ATXN10: variants seen among roughly 807,000 people sequenced by gnomAD.
The protein encoded by ATXN10 is ataxin-10.
Under a neutral mutation model 52.9 loss-of-function variants are expected in ATXN10, and 28 were observed. The ratio of observed to expected loss-of-function variants is 0.53; its 90% confidence interval spans 0.39 to 0.73. The LOEUF (loss-of-function observed/expected upper bound fraction) is 0.73, where lower values mean the gene tolerates loss of function less well. Among genes scored for constraint, ATXN10 ranks in the 30% least tolerant of loss-of-function variants. ATXN10 has a pLI of 0.00. For missense variants in ATXN10, 565 were observed against 577.0 expected (o/e 0.98, Z 0.21); for synonymous variants, 226 against 221.5 (o/e 1.02, Z -0.18).
chr22:45,814,451 A>G (rs1200204913), intron 10 of ATXN10, among the ~76,000 whole-genome samples: 1 of 152,230 alleles, frequency 6.6e-6, no homozygotes, highest in Non-Finnish European at 1.5e-5. Context: ...GGCTAATTTA[A>G]AAGCCCCAAC....
At chr22:45,832,171 C>T (rs1327970200) in intron 10 of ATXN10, among the ~76,000 whole-genome samples, 2 of 152,262 alleles carry the variant, frequency 1.3e-5, no homozygotes, top group African/African-American at 4.8e-5. Context: ...TCTACTTCAG[C>T]TCTTTCGATG....
Position 45,825,037 on chromosome 22 carries a change from C to G in ATXN10, c.1238-17954C>G, listed in dbSNP as rs944067239. ...CAGCTCTAGCTCAGTAGCAGCTATT[C>G]CTCCTCCATCCCCAGTCCTATGGCA... On this transcript the variant is annotated intron_variant, in intron 10 of 11. Transcript: ENST00000252934. This position sits in a 1 kb window ranked among gnomAD's most constrained non-coding sequence, Gnocchi z 4.5. Among the ~76,000 whole-genome samples, 1 of 152,216 alleles carries G rather than the reference C, an allele frequency of 6.6e-6. No individual in the cohort carries two copies. Among genetic ancestry groups the G allele is most frequent in the Admixed American group, 6.5e-5 (1 of 15,272 alleles).
At position 45,777,365 on chromosome 22, in the gene ATXN10, A is replaced by C. The variant is rs572526819; in HGVS notation, c.1174-29594A>C. Among the ~76,000 whole-genome samples, 4 of 152,290 alleles carry C rather than the reference A, an allele frequency of 2.6e-5. No homozygotes were observed. In the East Asian group the frequency reaches 7.7e-4, roughly 29 times the overall value. ...TATTTCATGTTTTAGTATTCTCTTG[A>C]TCTAGAGTATATGTTCAAATGTTTT... is the stretch of plus-strand genomic sequence containing the variant. On this transcript the variant is annotated intron_variant, in intron 9 of 11. Transcript: ENST00000252934.
chr22:45,721,886 G>T (rs1924666130), intron 6 of ATXN10, among the ~76,000 whole-genome samples: 1 of 152,154 alleles, frequency 6.6e-6, no homozygotes, highest in Non-Finnish European at 1.5e-5. Context: ...CTGCACTCCA[G>T]CCTGGGCAAC....
chr22:45,802,579 A>G (rs1160191282), intron 9 of ATXN10, among the ~76,000 whole-genome samples: 2 of 152,216 alleles, frequency 1.3e-5, no homozygotes, highest in Non-Finnish European at 2.9e-5. Flanking sequence ...TTTATGTTGT[A>G]AACGTTTAAT....
intron 9 of ATXN10, among the ~76,000 whole-genome samples, chr22:45,756,471 C>A (rs895946021): frequency 1.3e-5 from 2 of 152,150 alleles, no homozygotes; most frequent in African/African-American, 4.8e-5. Flanking sequence ...AATCAATATT[C>A]TGTGTACAGG....
intron 10 of ATXN10, among the ~76,000 whole-genome samples, chr22:45,827,272 A>G (rs1254696276): frequency 1.3e-5 from 2 of 152,194 alleles, no homozygotes; most frequent in African/African-American, 4.8e-5. Context: ...GTTATAAGAC[A>G]TATGGGAAAC....
chr22:45,708,462 A>G lies in ATXN10; in HGVS notation c.647+5615A>G, dbSNP rs1451762486. On this transcript the variant is annotated intron_variant, in intron 5 of 11. Transcript: ENST00000252934. The surrounding 1 kb of genome is among the most constrained non-coding windows in gnomAD (Gnocchi z 5.3). ...AAGTTAAGCAGAGTAAACCAGTCTGACAAAGGTCACACAACTAGCATATAG... is the reference window on the plus strand; with the variant it reads ...AAGTTAAGCAGAGTAAACCAGTCTGGCAAAGGTCACACAACTAGCATATAG... Among the ~76,000 whole-genome samples the G allele has an allele frequency of 6.6e-6, 1 of 152,228 alleles. No individual in the cohort carries two copies. The highest frequency in any genetic ancestry group is 1.5e-5 in the Non-Finnish European group (1 of 68,036).
chr22:45,805,350 A>G lies in ATXN10; in HGVS notation c.1174-1609A>G, dbSNP rs1422951223. ...TGATCTAGCAGTTTGACTCCTAGGT[A>G]TATACCCAAGAACAATGAATACTTA... On this transcript the variant is annotated intron_variant, in intron 9 of 11. Transcript: ENST00000252934. This position sits in a 1 kb window ranked among gnomAD's most constrained non-coding sequence, Gnocchi z 4.4. 6.6e-6 allele frequency among the ~76,000 whole-genome samples: 1 copy of G among 152,200 alleles called. No homozygotes were observed. Among genetic ancestry groups the G allele is most frequent in the Admixed American group, 6.5e-5 (1 of 15,280 alleles).
At chr22:45,817,318 CTT>C (rs11326332) in intron 10 of ATXN10, among the ~76,000 whole-genome samples, 13,657 of 98,756 alleles carry the variant, frequency 0.14, 824 homozygotes, top group Middle Eastern at 0.18. Context: ...ATTGATTTAA[CTT>C]TTTTTTTTTT....
In ATXN10 at chr22:45,786,522, C is replaced by A. The variant is rs1433044139; in HGVS notation, c.1174-20437C>A. On this transcript the variant is annotated intron_variant, in intron 9 of 11. Coordinates refer to ENST00000252934, the MANE Select transcript of ATXN10 (RefSeq NM_013236.4). This position sits in a 1 kb window ranked among gnomAD's most constrained non-coding sequence, Gnocchi z 4.1. The stretch of plus-strand genomic sequence containing the variant: ...AGCCCGCACTTTATCACCCTTCCTG[C>A]CAGGGCATTGCTCCCTGGTCGGAAG... Among the ~76,000 whole-genome samples, 1 of 152,234 alleles carries A rather than the reference C, an allele frequency of 6.6e-6. No homozygotes were observed. Among genetic ancestry groups the A allele is most frequent in the South Asian group, 2.1e-4 (1 of 4,836 alleles).
At position 45,738,793 on chromosome 22, in the gene ATXN10, G is replaced by T; in HGVS notation, c.957G>T (p.Leu319=). ...VLCEMTVNTE[L]LGYLQVFPGL... ...GCGAAATGACTGTGAATACTGAGCT[G>T]CTCGGCTATCTGCAGGTTTTCCCTG... Residue 319 remains leucine (L), a synonymous_variant, in exon 8 of 12, where the codon CTG becomes CTT. Coordinates refer to ENST00000252934, the MANE Select transcript of ATXN10 (RefSeq NM_013236.4). 1 of 1,614,158 alleles carries T rather than the reference G, an allele frequency of 6.2e-7. No individual in the cohort carries two copies. Among genetic ancestry groups the T allele is most frequent in the South Asian group, 1.1e-5 (1 of 91,086 alleles).
chr22:45,704,310 T>C (rs1601597467), intron 5 of ATXN10, among the ~76,000 whole-genome samples: 1 of 143,414 alleles, frequency 7.0e-6, no homozygotes, highest in Non-Finnish European at 1.5e-5. Context: ...TTCAATTTGT[T>C]AAAAAAAAAA....
intron 6 of ATXN10, among the ~76,000 whole-genome samples, chr22:45,723,654 C>T (rs1924750546): frequency 6.6e-6 from 1 of 152,052 alleles, no homozygotes; most frequent in Non-Finnish European, 1.5e-5. Flanking sequence ...CTGAGTTCTT[C>T]ACTTAGAATA....
At chr22:45,815,010 G>A (rs1928410428) in intron 10 of ATXN10, among the ~76,000 whole-genome samples, 1 of 152,150 alleles carries the variant, frequency 6.6e-6, no homozygotes, top group African/African-American at 2.4e-5. Flanking sequence ...AAAAAGGTTG[G>A]GGACTGCTGC....
chr22:45,702,407 A>G (rs1222308237), intron 4 of ATXN10, among the ~76,000 whole-genome samples: 1 of 152,122 alleles, frequency 6.6e-6, no homozygotes, highest in Non-Finnish European at 1.5e-5. Context: ...TTAATGTTTT[A>G]TAAATGTAAT....
chr22:45,771,456 G>T (rs1601635997), intron 9 of ATXN10, among the ~76,000 whole-genome samples: 2 of 126,292 alleles, frequency 1.6e-5, no homozygotes. Context: ...TTGCTCTGTT[G>T]CCCAGGCTGG....
At chr22:45,830,098 G>A (rs1362914798) in intron 10 of ATXN10, among the ~76,000 whole-genome samples, 1 of 152,192 alleles carries the variant, frequency 6.6e-6, no homozygotes, top group Non-Finnish European at 1.5e-5. Context: ...TGAAAAGGAT[G>A]ACAACACCAT....
In ATXN10 at chr22:45,750,138, T is replaced by C. The variant is rs1182742683; in HGVS notation, c.1173+9600T>C. ...TATTTTTGAGACAGGGTCTTGCTTT[T>C]GTCACCCAGGCTGGAGTGCAGTGGT... is the stretch of plus-strand genomic sequence containing the variant. On this transcript the variant is annotated intron_variant, in intron 9 of 11. Coordinates refer to ENST00000252934, the MANE Select transcript of ATXN10 (RefSeq NM_013236.4). This position sits in a 1 kb window ranked among gnomAD's most constrained non-coding sequence, Gnocchi z 4.2. Among the ~76,000 whole-genome samples, 1 of 152,180 alleles carries C rather than the reference T, an allele frequency of 6.6e-6. No individual in the cohort carries two copies. Among genetic ancestry groups the C allele is most frequent in the African/African-American group, 2.4e-5 (1 of 41,430 alleles).
Sources: gnomAD v4.1 joint callset for allele counts (sites outside exome capture counted in the v4.1 genomes callset) on GRCh38, gnomAD v4.1.1 for gene constraint, Gnocchi (gnomAD v3.1) non-coding constraint, MANE v1.5 for transcripts, NCBI Gene and HGNC (gene_info 2026-07-23, HGNC 2026-07-21) for gene names.